CAST: variants seen among roughly 807,000 people sequenced by gnomAD.
CAST encodes the protein MIR583 host.
CAST carries 76 observed loss-of-function variants against 119.6 expected under a neutral mutation model. The observed-to-expected ratio is 0.64, with a 90% CI of 0.53 to 0.77. The LOEUF is 0.77. Ranked by LOEUF, CAST falls within the 30% of genes least tolerant of loss-of-function variation. The pLI is 0.00. For missense variants in CAST, 953 were observed against 946.5 expected (o/e 1.01, Z -0.09); for synonymous variants, 319 against 331.6 (o/e 0.96, Z 0.41).
At chr5:96,085,089 A>C in the CAST span, among the ~76,000 whole-genome samples, 1 of 152,206 alleles carries the variant, frequency 6.6e-6, no homozygotes, top group South Asian at 2.1e-4. Context: ...ACCAGGAAGT[A>C]TCCTACAGCT....
At chr5:96,368,500 TA>T in the CAST span, among the ~76,000 whole-genome samples, 229 of 133,150 alleles carry the variant, frequency 1.7e-3, no homozygotes, top group East Asian at 2.9e-3. Flanking sequence ...AAACTCCATC[TA>T]AAAAAAAAAA....
the CAST span, among the ~76,000 whole-genome samples, chr5:96,095,185 A>G: frequency 6.6e-6 from 1 of 152,094 alleles, no homozygotes; most frequent in Non-Finnish European, 1.5e-5. Flanking sequence ...GGCTCTAGGA[A>G]ATGCTGGTTT....
chr5:96,293,008 C>T, the CAST span, among the ~76,000 whole-genome samples: 6 of 152,180 alleles, frequency 3.9e-5, no homozygotes, highest in East Asian at 3.8e-4. Flanking sequence ...AATCAAAGTA[C>T]GAATAGGGGT....
the CAST span, among the ~76,000 whole-genome samples, chr5:95,970,548 T>C: frequency 0.013 from 1,912 of 152,346 alleles, 21 homozygotes; most frequent in Non-Finnish European, 0.02. Context: ...TGACTCAACA[T>C]TTCAGTTTGA....
At chr5:96,561,471 A>C (rs1292826001) in intron 1 of CAST, among the ~76,000 whole-genome samples, 3 of 151,376 alleles carry the variant, frequency 2.0e-5, no homozygotes, top group Non-Finnish European at 2.9e-5. Context: ...AAGATCAGAA[A>C]ACCAAACACT....
chr5:96,582,021 A>G (rs1286848404), intron 1 of CAST, among the ~76,000 whole-genome samples: 1 of 152,212 alleles, frequency 6.6e-6, no homozygotes, highest in African/African-American at 2.4e-5. Context: ...GGGATGAGGA[A>G]TTAGTAAACT....
the CAST span, among the ~76,000 whole-genome samples, chr5:96,303,599 A>G: frequency 6.6e-6 from 1 of 151,830 alleles, no homozygotes; most frequent in East Asian, 1.9e-4. Context: ...TCCTAATGCT[A>G]TCCCTCCCCT....
the CAST span, among the ~76,000 whole-genome samples, chr5:96,127,335 T>C: frequency 6.6e-6 from 1 of 152,136 alleles, no homozygotes; most frequent in Non-Finnish European, 1.5e-5. Context: ...TTGTTCACTG[T>C]ATTTTATTTC....
the CAST span, among the ~76,000 whole-genome samples, chr5:96,348,107 A>T: frequency 6.6e-6 from 1 of 152,172 alleles, no homozygotes; most frequent in Admixed American, 6.5e-5. Context: ...GTTCAAATGC[A>T]TTCATCGGAT....
chr5:96,639,580 C>T (rs759200937), intron 1 of CAST, among the ~76,000 whole-genome samples: 11 of 152,164 alleles, frequency 7.2e-5, no homozygotes, highest in South Asian at 6.2e-4. Flanking sequence ...ACAGGATCTG[C>T]GGGGACACAA....
At chr5:96,687,738 A>C (rs1325274198) in intron 2 of CAST, among the ~76,000 whole-genome samples, 11 of 152,248 alleles carry the variant, frequency 7.2e-5, no homozygotes, top group Admixed American at 6.5e-4. Flanking sequence ...AAAACTATTT[A>C]TAGGAAACTG....
chr5:96,497,734 T>G, the CAST span, among the ~76,000 whole-genome samples: 1,779 of 152,324 alleles, frequency 0.012, 29 homozygotes, highest in African/African-American at 0.041. Context: ...TAAATTTGTT[T>G]GAGTTCATTG....
chr5:96,741,298 C>T lies in CAST; in HGVS notation c.951C>T (p.Ala317=), dbSNP rs753569729. Residue 317 remains alanine, a synonymous_variant, in exon 14 of 32, where the codon GCC becomes GCT. Transcript: ENST00000675179. ...TAGGGCCAGATGATGCTATAGACGC[C>T]TTGTCATCTGACTTCACCTGTGGGT... ...KPIGPDDAID[A]LSSDFTCGSP... 1.2e-5 allele frequency: 19 copies of T among 1,613,060 alleles called. No homozygotes were observed. Among genetic ancestry groups the T allele is most frequent in the Non-Finnish European group, 1.6e-5 (19 of 1,179,218 alleles).
rs545277117 is a variant in CAST, at chr5:96,635,176, G to T, written c.61-40363G>T. ...GACATTGCACCTAGAAATGGGTCTT[G>T]ATGTTCTAAAGGATGAGGAGATTTG... On this transcript the variant is annotated intron_variant, in intron 1 of 11. Coordinates refer to the CAST transcript ENST00000505143. 8.5e-5 allele frequency among the ~76,000 whole-genome samples: 13 copies of T among 152,356 alleles called. No homozygotes were observed. The South Asian group carries it at 2.5e-3, about 29-fold the overall frequency.
intron 15 of CAST, 191 bp downstream of exon 15, chr5:96,741,771 C>T: frequency 1.8e-6 from 1 of 541,696 alleles, no homozygotes; most frequent in Non-Finnish European, 3.4e-6. Context: ...TCTGTAACTG[C>T]TTGTGAATGA....
intron 1 of CAST, among the ~76,000 whole-genome samples, chr5:96,612,298 G>A (rs886221822): frequency 4.2e-4 from 64 of 152,252 alleles, no homozygotes; most frequent in East Asian, 1.9e-4. Context: ...GATGCAGCAG[G>A]AGGACATTAT....
chr5:96,767,894 A>G lies in CAST; in HGVS notation c.2176-13A>G, dbSNP rs1046368318. ...TGCTTCTTCACTGATGGTTATTTCT[A>G]CTCATATCTCAGAAACCTGCAGATG... On this transcript the variant is annotated splice_polypyrimidine_tract_variant and intron_variant, in intron 28 of 31. Transcript: ENST00000675179. The G allele has an allele frequency of 2.5e-6, 4 of 1,569,872 alleles. No individual in the cohort carries two copies. Among genetic ancestry groups the G allele is most frequent in the Non-Finnish European group, 8.8e-7 (1 of 1,140,218 alleles).
intron 1 of CAST, among the ~76,000 whole-genome samples, chr5:96,555,273 G>T (rs1746214468): frequency 6.6e-6 from 1 of 152,182 alleles, no homozygotes; most frequent in Non-Finnish European, 1.5e-5. Context: ...AATAGGAACA[G>T]CTCCAGTCTA....
the CAST span, among the ~76,000 whole-genome samples, chr5:96,511,538 A>T: frequency 6.6e-6 from 1 of 152,192 alleles, no homozygotes; most frequent in Non-Finnish European, 1.5e-5. Flanking sequence ...CTATTTCTGC[A>T]TGCCACCACC....
Sources: gnomAD v4.1 joint callset for allele counts (sites outside exome capture counted in the v4.1 genomes callset) on GRCh38, gnomAD v4.1.1 for gene constraint, MANE v1.5 for transcripts, NCBI Gene and HGNC (gene_info 2026-07-23, HGNC 2026-07-21) for gene names.